ENTPD1: variants seen among roughly 807,000 people sequenced by gnomAD.
ENTPD1 encodes the protein ATP diphosphohydrolase.
A neutral mutation model predicts 57.0 loss-of-function variants in ENTPD1; 33 were observed. That is an observed-to-expected ratio of 0.58 (90% CI 0.44 to 0.77). The LOEUF is 0.77. Ranked by LOEUF, ENTPD1 falls within the 30% of genes least tolerant of loss-of-function variation. The pLI is 0.00. For missense variants in ENTPD1, 501 were observed against 603.4 expected (o/e 0.83, Z 1.78); for synonymous variants, 202 against 218.8 (o/e 0.92, Z 0.68).
At chr10:95,813,314 C>CT (rs1002510993) in intron 1 of ENTPD1, among the ~76,000 whole-genome samples, 16 of 152,290 alleles carry the variant, frequency 1.1e-4, no homozygotes, top group African/African-American at 3.9e-4. Context: ...GGAGAACCAT[C>CT]TGCATGTGTA....
chr10:95,842,365 T>A lies in ENTPD1; in HGVS notation c.284T>A (p.Val95Asp), dbSNP rs2098424427. The A allele has an allele frequency of 6.2e-7, 1 of 1,614,026 alleles. No homozygotes were observed. Among genetic ancestry groups the A allele is most frequent in the African/African-American group, 1.3e-5 (1 of 74,934 alleles). ...RVKGPGISKF[V>D]QKVNEIGIYL... is the part of the protein sequence containing the mutation. Reference sequence around the variant, plus strand: ...CTAGGTCCTGGAATCTCAAAATTTGTTCAGAAAGTAAATGAAATAGGCATT... The same window carrying A: ...CTAGGTCCTGGAATCTCAAAATTTGATCAGAAAGTAAATGAAATAGGCATT... The change falls in exon 4 of 10, where the codon GTT becomes GAT. Residue 95 changes from valine (V) to aspartate (D), a missense_variant. Transcript: ENST00000371205.
At chr10:95,810,345 C>T (rs1319943829) in intron 1 of ENTPD1, among the ~76,000 whole-genome samples, 4 of 149,114 alleles carry the variant, frequency 2.7e-5, no homozygotes, top group Non-Finnish European at 5.9e-5. Flanking sequence ...GGCGGCTGGG[C>T]AGAGGCACTC....
chr10:95,869,865 T>A lies in ENTPD1; in HGVS notation c.*3482T>A, dbSNP rs1446581105. 1.3e-6 allele frequency: 1 copy of A among 774,594 alleles called. No homozygotes were observed. The highest frequency in any genetic ancestry group is 1.6e-6 in the Non-Finnish European group (1 of 637,706). The allele number at this position is 774,594 out of a possible 1,614,324, so 48.0% of individuals were successfully genotyped here. A position where few individuals can be genotyped will look rare whatever the true frequency, so the allele number is the denominator to read the frequency against. Reference sequence around the variant, plus strand: ...CATACTAAATTTTCAAAATATTTTGTGTCTATTACATTTACAGCACATCTT... The same window carrying A: ...CATACTAAATTTTCAAAATATTTTGAGTCTATTACATTTACAGCACATCTT... On this transcript the variant is annotated 3_prime_UTR_variant, in exon 10 of 10. Transcript: ENST00000371205.
chr10:95,703,272 G>A, the ENTPD1 span, among the ~76,000 whole-genome samples: 1 of 152,138 alleles, frequency 6.6e-6, no homozygotes, highest in Admixed American at 6.5e-5. Context: ...TTGCTAAAGG[G>A]AATTCTTCAT....
chr10:95,767,956 C>T (rs2098096905), intron 1 of ENTPD1, among the ~76,000 whole-genome samples: 1 of 152,180 alleles, frequency 6.6e-6, no homozygotes, highest in Non-Finnish European at 1.5e-5. Context: ...AATAAAAGGA[C>T]TTGAAGCTGT....
chr10:95,871,313 A>C lies in ENTPD1; in HGVS notation c.*4930A>C, dbSNP rs1476746386. On this transcript the variant is annotated 3_prime_UTR_variant, in exon 10 of 10. Coordinates refer to ENST00000371205, the MANE Select transcript of ENTPD1 (RefSeq NM_001776.6). ...AATCTGTTTATCTCACCAAAGAAATATTATCTTTAAAAAATGTCATTACTT... is the reference window on the plus strand; with the variant it reads ...AATCTGTTTATCTCACCAAAGAAATCTTATCTTTAAAAAATGTCATTACTT... 1 of 984,966 alleles carries C rather than the reference A, an allele frequency of 1.0e-6. No homozygotes were observed. Among genetic ancestry groups the C allele is most frequent in the East Asian group, 1.1e-4 (1 of 8,828 alleles). 61.0% of individuals were successfully genotyped at this position (984,966 alleles called of 1,614,324 possible).
At chr10:95,825,043 T>C (rs2140580878) in intron 2 of ENTPD1, among the ~76,000 whole-genome samples, 2 of 152,378 alleles carry the variant, frequency 1.3e-5, no homozygotes, top group South Asian at 4.1e-4. Flanking sequence ...ACTTGTATTC[T>C]GGTGATGGCT....
Position 95,874,024 on chromosome 10 carries a change from G to A in ENTPD1, c.*7641G>A, listed in dbSNP as rs1490890520. Among the ~76,000 whole-genome samples, 1 of 152,106 alleles carries A rather than the reference G, an allele frequency of 6.6e-6. No homozygotes were observed. Among genetic ancestry groups the A allele is most frequent in the Admixed American group, 6.5e-5 (1 of 15,268 alleles). On this transcript the variant is annotated 3_prime_UTR_variant, in exon 10 of 10. Coordinates refer to ENST00000371205, the MANE Select transcript of ENTPD1 (RefSeq NM_001776.6). ...GAGATACAATTCAAGTTGAGATTTG[G>A]GTGGGGACACAGCCAAACCATATCA...
At chr10:95,776,779 G>A (rs1169021992) in intron 1 of ENTPD1, among the ~76,000 whole-genome samples, 7 of 152,196 alleles carry the variant, frequency 4.6e-5, no homozygotes, top group Non-Finnish European at 1.0e-4. Context: ...CCAATCAAAT[G>A]TAGATTTGGT....
chr10:95,694,239 G>A, the ENTPD1 span: 1 of 332,834 alleles, frequency 3.0e-6, no homozygotes, highest in Non-Finnish European at 5.6e-6. Context: ...CGGCCCAGAG[G>A]ACTGAGCCCG....
the ENTPD1 span, among the ~76,000 whole-genome samples, chr10:95,694,895 A>ATT: frequency 0.12 from 11,710 of 98,544 alleles, 1,045 homozygotes; most frequent in Middle Eastern, 0.21. Flanking sequence ...TGAGGAGCTG[A>ATT]TTTTTTTTTT....
At chr10:95,779,535 T>C (rs761073708) in intron 1 of ENTPD1, among the ~76,000 whole-genome samples, 1 of 152,166 alleles carries the variant, frequency 6.6e-6, no homozygotes, top group Non-Finnish European at 1.5e-5. Context: ...TTTGAGGAAT[T>C]TCATGTGCTG....
intron 1 of ENTPD1, among the ~76,000 whole-genome samples, chr10:95,799,158 T>C (rs769107529): frequency 9.2e-5 from 14 of 152,184 alleles, no homozygotes; most frequent in Admixed American, 9.2e-4. Context: ...TTTTAAACTT[T>C]TAAGCTCAGG....
upstream of ENTPD1, among the ~76,000 whole-genome samples, chr10:95,709,543 C>T (rs2097963913): frequency 6.6e-6 from 1 of 152,028 alleles, no homozygotes; most frequent in Non-Finnish European, 1.5e-5. Flanking sequence ...GCCACCACGC[C>T]CGGCTAATTT....
rs78518793 is a variant in ENTPD1, at chr10:95,872,482, T to G, written c.*6099T>G. 0.044 allele frequency: 43,749 copies of G among 985,020 alleles called. 1,013 individuals carry two copies. Among genetic ancestry groups the G allele is most frequent in the Non-Finnish European group, 0.047 (39,306 of 829,562 alleles). The allele number at this position is 985,020 out of a possible 1,614,324, so 61.0% of individuals were successfully genotyped here. Reference sequence around the variant, plus strand: ...AATACTCTTGCACCTTCAAAGCTCATTTCAAATGCCCCTTCATTTGTGAAG... The same window carrying G: ...AATACTCTTGCACCTTCAAAGCTCAGTTCAAATGCCCCTTCATTTGTGAAG... On this transcript the variant is annotated 3_prime_UTR_variant, in exon 10 of 10. Transcript: ENST00000371205.
chr10:95,871,079 C>G lies in ENTPD1; in HGVS notation c.*4696C>G. ...TCTTGGTCAGGATGGGGTCTCCTGT[C>G]ACTTCTGTCACAGGCTATTGTAAGT... On this transcript the variant is annotated 3_prime_UTR_variant, in exon 10 of 10. Transcript: ENST00000371205. 1.0e-6 allele frequency: 1 copy of G among 985,410 alleles called. No individual in the cohort carries two copies. The allele number at this position is 985,410 out of a possible 1,614,324, so 61.0% of individuals were successfully genotyped here.
intron 1 of ENTPD1, among the ~76,000 whole-genome samples, chr10:95,718,561 A>C (rs2097974107): frequency 6.6e-6 from 1 of 152,102 alleles, no homozygotes; most frequent in Non-Finnish European, 1.5e-5. Context: ...GGAAGTTAGG[A>C]ATTTCCTTTC....
intron 1 of ENTPD1, among the ~76,000 whole-genome samples, chr10:95,727,597 A>G (rs1374079048): frequency 6.6e-6 from 1 of 152,220 alleles, no homozygotes; most frequent in African/African-American, 2.4e-5. Flanking sequence ...TTGTGAGATC[A>G]ATGTTTTAAC....
chr10:95,697,563 A>G, the ENTPD1 span, among the ~76,000 whole-genome samples: 1 of 152,176 alleles, frequency 6.6e-6, no homozygotes, highest in Non-Finnish European at 1.5e-5. Context: ...TCACGGGTTA[A>G]TGGATTAATG....
Sources: gnomAD v4.1 joint callset for allele counts (sites outside exome capture counted in the v4.1 genomes callset) on GRCh38, gnomAD v4.1.1 for gene constraint, MANE v1.5 for transcripts, NCBI Gene and HGNC (gene_info 2026-07-23, HGNC 2026-07-21) for gene names.